RAI14: variants seen among roughly 807,000 people sequenced by gnomAD.
The protein encoded by RAI14 is retinoic acid induced 14, also known as ankycorbin.
Under a neutral mutation model 115.4 loss-of-function variants are expected in RAI14, and 45 were observed. That is an observed-to-expected ratio of 0.39 (90% CI 0.31 to 0.50). The LOEUF (loss-of-function observed/expected upper bound fraction) is 0.50. RAI14 is among the 20% of genes least tolerant of loss of function. The probability of loss-of-function intolerance (pLI) is 0.85; values close to 1 mark genes in which losing one functional copy is unlikely to be tolerated. For synonymous variants in RAI14, 371 were observed against 415.4 expected, an observed-to-expected ratio of 0.89 and a Z score of 1.30; for missense variants, 939 against 1,131.2, an observed-to-expected ratio of 0.83 and a Z score of 2.44.
At chr5:34,703,480 T>C (rs893872781) in intron 2 of RAI14, among the ~76,000 whole-genome samples, 2 of 152,236 alleles carry the variant, frequency 1.3e-5, no homozygotes, top group Non-Finnish European at 2.9e-5. Context: ...AAGCAAGTTC[T>C]AGACATGCTT....
intron 2 of RAI14, among the ~76,000 whole-genome samples, chr5:34,743,551 G>A (rs1177662667): frequency 6.6e-6 from 1 of 152,182 alleles, no homozygotes; most frequent in Non-Finnish European, 1.5e-5. Context: ...AGACATGAAT[G>A]TTTGGAGGAC....
In RAI14 at chr5:34,665,188, TGTATATATATAC is replaced by T. The variant is rs1561221277; in HGVS notation, c.-49+8714_-49+8725del. ...ATATATATATACACACATATATATATGTATATATATACACACACCACAGTTTCTTTATCCACT... is the reference window on the plus strand; with the variant it reads ...ATATATATATACACACATATATATATACACACCACAGTTTCTTTATCCACT... On this transcript the variant is annotated intron_variant, in intron 1 of 17. Coordinates refer to ENST00000265109, the MANE Select transcript of RAI14 (RefSeq NM_015577.3). Among the ~76,000 whole-genome samples the T allele has an allele frequency of 1.5e-3, 53 of 34,276 alleles. 13 individuals are homozygous for T. The highest frequency in any genetic ancestry group is 3.5e-3 in the African/African-American group (32 of 9,048). The allele number at this position is 34,276 out of a possible 152,430, so 22.5% of individuals were successfully genotyped here.
intron 3 of RAI14, among the ~76,000 whole-genome samples, chr5:34,782,513 G>A (rs1751788444): frequency 6.6e-6 from 1 of 152,198 alleles, no homozygotes; most frequent in African/African-American, 2.4e-5. Context: ...AAGTTCAGGT[G>A]TGCCTGGGAT....
At chr5:34,711,494 T>G (rs996836574) in intron 2 of RAI14, among the ~76,000 whole-genome samples, 16 of 152,326 alleles carry the variant, frequency 1.1e-4, no homozygotes, top group African/African-American at 3.8e-4. Flanking sequence ...TATTTTTACT[T>G]CTTTTGTGGA....
rs1757569547 is a variant in RAI14, at chr5:34,827,482, T to C, written c.2799+1003T>C. Among the ~76,000 whole-genome samples the C allele has an allele frequency of 6.6e-6, 1 of 152,206 alleles. No individual in the cohort carries two copies. Among genetic ancestry groups the C allele is most frequent in the Admixed American group, 6.5e-5 (1 of 15,276 alleles). ...CTACCTAAAGTCCAGGGTTAGTCTG[T>C]CCTGGACTGTCTCTAGCTTCCATAT... On this transcript the variant is annotated intron_variant, in intron 16 of 17. Transcript: ENST00000265109. The surrounding 1 kb of genome is among the most constrained non-coding windows in gnomAD (Gnocchi z 4.2).
chr5:34,745,346 A>G (rs367780581), intron 2 of RAI14, among the ~76,000 whole-genome samples: 18 of 152,266 alleles, frequency 1.2e-4, no homozygotes, highest in East Asian at 5.8e-4. Context: ...GCTCTTGCTT[A>G]TACTGGGCCA....
chr5:34,784,307 C>T (rs1164701725), intron 3 of RAI14, among the ~76,000 whole-genome samples: 2 of 152,120 alleles, frequency 1.3e-5, no homozygotes, highest in Non-Finnish European at 2.9e-5. Flanking sequence ...CATTACTAGA[C>T]CCATCTGTAA....
chr5:34,826,403 C>A lies in RAI14; in HGVS notation c.2723C>A (p.Thr908Lys). 6.2e-7 allele frequency: 1 copy of A among 1,614,128 alleles called. No homozygotes were observed. The highest frequency in any genetic ancestry group is 8.5e-7 in the Non-Finnish European group (1 of 1,179,996). The change falls in exon 16 of 18, where the codon ACA becomes AAA. Residue 908 changes from threonine to lysine, a missense_variant. Coordinates refer to ENST00000265109, the MANE Select transcript of RAI14 (RefSeq NM_015577.3). ...AGCCTCTCCCAGCTCTCCTACTCAA[C>A]AAGCTCATCCAAAAGGCAGAGTCAG... ...LNSLSQLSYS[T>K]SSSKRQSQQL...
At chr5:34,784,539 A>G (rs879316210) in intron 3 of RAI14, among the ~76,000 whole-genome samples, 2 of 152,162 alleles carry the variant, frequency 1.3e-5, no homozygotes, top group African/African-American at 2.4e-5. Flanking sequence ...TATCCATGTA[A>G]TTTAACAATC....
At chr5:34,788,372 G>T (rs577412160) in intron 3 of RAI14, among the ~76,000 whole-genome samples, 1 of 152,222 alleles carries the variant, frequency 6.6e-6, no homozygotes, top group Non-Finnish European at 1.5e-5. Context: ...GATAAAAAAT[G>T]TCTCCAGACA....
chr5:34,829,234 C>A (rs1430264113), intron 16 of RAI14, among the ~76,000 whole-genome samples: 1 of 152,106 alleles, frequency 6.6e-6, no homozygotes, highest in African/African-American at 2.4e-5. Flanking sequence ...GTCACCCACG[C>A]TGGAGTGCAG....
At chr5:34,672,894 T>A (rs1209193280) in intron 1 of RAI14, among the ~76,000 whole-genome samples, 1 of 151,938 alleles carries the variant, frequency 6.6e-6, no homozygotes, top group Non-Finnish European at 1.5e-5. Context: ...TTTCTGCCTA[T>A]CCTGAAGGTT....
intron 2 of RAI14, among the ~76,000 whole-genome samples, chr5:34,756,508 T>C (rs994302023): frequency 2.0e-5 from 3 of 152,176 alleles, no homozygotes; most frequent in African/African-American, 7.2e-5. Context: ...AGGAGACGAC[T>C]GGAAGGCAGC....
chr5:34,767,300 C>A (rs968949353), intron 3 of RAI14, among the ~76,000 whole-genome samples: 2 of 152,140 alleles, frequency 1.3e-5, no homozygotes, highest in Non-Finnish European at 2.9e-5. Context: ...ACTGGCTGGA[C>A]CTGCCCCAAA....
intron 2 of RAI14, among the ~76,000 whole-genome samples, chr5:34,724,955 G>T (rs1743259632): frequency 6.6e-6 from 1 of 151,860 alleles, no homozygotes; most frequent in Non-Finnish European, 1.5e-5. Flanking sequence ...GGTCTCCTAG[G>T]TTACCAAGCT....
intron 1 of RAI14, among the ~76,000 whole-genome samples, chr5:34,663,301 A>T (rs1183820466): frequency 6.6e-6 from 1 of 152,146 alleles, no homozygotes; most frequent in Admixed American, 6.5e-5. Context: ...AGATCACTTA[A>T]GCCCAGGAGT....
intron 2 of RAI14, among the ~76,000 whole-genome samples, chr5:34,709,269 GAAACCCCGTC>G (rs1409737780): frequency 2.8e-4 from 43 of 152,048 alleles, no homozygotes; most frequent in Middle Eastern, 6.8e-3. Flanking sequence ...CCAACTTGGC[GAAACCCCGTC>G]TCTACTAAAA....
chr5:34,821,594 C>T, intron 13 of RAI14, 138 bp from the exon 14 acceptor site: 1 of 582,874 alleles, frequency 1.7e-6, no homozygotes, highest in Non-Finnish European at 3.1e-6. Context: ...AATTTTAGTT[C>T]ACCCATCCAG....
chr5:34,734,394 A>G (rs552939273), intron 2 of RAI14, among the ~76,000 whole-genome samples: 81 of 152,324 alleles, frequency 5.3e-4, no homozygotes, highest in African/African-American at 1.8e-3. Context: ...AAGGAGGTAT[A>G]TGACCCCCCT....
Sources: allele counts gnomAD v4.1 joint callset (sites outside exome capture counted in the v4.1 genomes callset), GRCh38; gene constraint gnomAD v4.1.1; non-coding constraint Gnocchi (gnomAD v3.1); transcripts MANE v1.5; gene names NCBI Gene and HGNC (gene_info 2026-07-23, HGNC 2026-07-21).